Variants in INSR observed in about 807,000 individuals in gnomAD.
The protein encoded by INSR is insulin receptor.
Under a neutral mutation model 142.6 loss-of-function variants are expected in INSR, and 67 were observed. The observed-to-expected ratio is 0.47, with a 90% CI of 0.39 to 0.58. The LOEUF (loss-of-function observed/expected upper bound fraction) is 0.58, where lower values mean the gene tolerates loss of function less well. Among genes scored for constraint, INSR ranks in the 20% least tolerant of loss-of-function variants. The pLI is 0.00. For synonymous variants in INSR, 756 were observed against 743.1 expected (o/e 1.02, Z -0.28); for missense variants, 1,248 against 1,833.2 (o/e 0.68, Z 5.83).
chr19:7,294,111 T>A lies in INSR; in HGVS notation c.-220A>T. 1.1e-5 allele frequency: 3 copies of A among 265,086 alleles called. No individual in the cohort carries two copies. The highest frequency in any genetic ancestry group is 1.9e-5 in the Non-Finnish European group (3 of 157,812). 16.4% of individuals were successfully genotyped at this position (265,086 alleles called of 1,614,324 possible). On this transcript the variant is annotated 5_prime_UTR_variant, in exon 1 of 22. In the 5' UTR this introduces an upstream ATG that the reference lacks. Transcript: ENST00000302850. ...AGCTACAAATACTGAGCGGAGGCCCTTGCGGTGGTGGCCCCGACCCCCCGG... is the reference window on the plus strand; with the variant it reads ...AGCTACAAATACTGAGCGGAGGCCCATGCGGTGGTGGCCCCGACCCCCCGG...
chr19:7,262,866 T>G (rs1001824943), intron 2 of INSR, among the ~76,000 whole-genome samples: 7 of 151,872 alleles, frequency 4.6e-5, no homozygotes, highest in Non-Finnish European at 1.0e-4. Context: ...GTGGAGTGAG[T>G]GTTTCATGGG....
intron 2 of INSR, among the ~76,000 whole-genome samples, chr19:7,202,328 C>A (rs890650359): frequency 4.6e-5 from 7 of 151,966 alleles, no homozygotes; most frequent in African/African-American, 1.5e-4. Flanking sequence ...TTTGTGATTT[C>A]TCTCTATATT....
chr19:7,186,336 C>G (rs1268428622), intron 2 of INSR, among the ~76,000 whole-genome samples: 1 of 152,162 alleles, frequency 6.6e-6, no homozygotes, highest in Admixed American at 6.6e-5. Flanking sequence ...GAAGCTACAT[C>G]CATATATGAA....
rs543428146 is a variant in INSR, at chr19:7,213,728, G to A, written c.653-29091C>T. Among the ~76,000 whole-genome samples the A allele has an allele frequency of 3.3e-5, 5 of 152,328 alleles. No individual in the cohort carries two copies. In the South Asian group the frequency reaches 8.3e-4, roughly 25 times the overall value. On this transcript the variant is annotated intron_variant, in intron 2 of 21. Transcript: ENST00000302850. ...GAACTGGCTGGGCACAGTGGCTCAC[G>A]CCTGTCATCCCAGCCCTTTGGGAGG...
chr19:7,126,365 G>A (rs553724450), intron 16 of INSR, among the ~76,000 whole-genome samples: 113 of 152,356 alleles, frequency 7.4e-4, no homozygotes, highest in Middle Eastern at 3.4e-3. Context: ...GTCCCAGACC[G>A]GCTAGATGAG....
rs560832254 is a variant in INSR at position 7,184,379 on chromosome 19, T to C, written c.911A>G (p.Tyr304Cys). The C allele has an allele frequency of 6.2e-7, 1 of 1,614,082 alleles. No homozygotes were observed. Among genetic ancestry groups the C allele is most frequent in the Admixed American group, 1.7e-5 (1 of 60,002 alleles). Residue 304 changes from tyrosine to cysteine, a missense_variant, in exon 3 of 22, where the codon TAC becomes TGC. By Grantham distance (194) the Tyr-to-Cys change is radical. Around this residue, in one of 3 missense-constraint regions of INSR, gnomAD observed 1,069 missense variants for 1,654.0 expected, o/e 0.65. Transcript: ENST00000302850. Reference sequence around the variant, plus strand: ...GATGCACTTGTTGTTGTGAATGACGTACTGGTGGCAGCCCTGCCTCCGCGA... The same window carrying C: ...GATGCACTTGTTGTTGTGAATGACGCACTGGTGGCAGCCCTGCCTCCGCGA... ...KNSRRQGCHQ[Y>C]VIHNNKCIPE...
chr19:7,153,488 CCACA>C (rs1035164473), intron 9 of INSR, among the ~76,000 whole-genome samples: 8 of 100,418 alleles, frequency 8.0e-5, no homozygotes, highest in Admixed American at 5.8e-4. Flanking sequence ...CACACACGCA[CCACA>C]CACACACACA....
chr19:7,250,478 AGAAAGAGAAGGAAGGAAG>A (rs1976689237), intron 2 of INSR, among the ~76,000 whole-genome samples: 1 of 130,328 alleles, frequency 7.7e-6, no homozygotes. Context: ...AAGAAAGAAA[AGAAAGAGAAGGAAGGAAG>A]GAAAGAGAGA....
At chr19:7,206,794 T>A (rs981621067) in intron 2 of INSR, among the ~76,000 whole-genome samples, 3 of 152,014 alleles carry the variant, frequency 2.0e-5, no homozygotes, top group South Asian at 4.1e-4. Context: ...AAAAGAGTCA[T>A]CAAGGAATAA....
chr19:7,213,519 C>T (rs1975344153), intron 2 of INSR, among the ~76,000 whole-genome samples: 1 of 152,164 alleles, frequency 6.6e-6, no homozygotes, highest in Non-Finnish European at 1.5e-5. Flanking sequence ...CAAACAGCAT[C>T]TCAGAGGGAT....
At chr19:7,281,802 G>T (rs565588056) in intron 1 of INSR, among the ~76,000 whole-genome samples, 3 of 152,292 alleles carry the variant, frequency 2.0e-5, no homozygotes, top group East Asian at 1.9e-4. Context: ...TTTTTAGACA[G>T]TACCTATGGT....
rs1041809996 is a variant in INSR, at chr19:7,132,244, C to T, written c.2756G>A (p.Gly919Glu). ...RGCRLRGLSP[G>E]NYSVRIRATS... The stretch of plus-strand genomic sequence containing the variant: ...GGCCCGGATTCGCACGCTGTAGTTC[C>T]CCGGTGACAGCCCACGCAGCCTGCA... The change falls in exon 14 of 22, where the codon GGG becomes GAG. Residue 919 changes from glycine (G) to glutamate (E), a missense_variant. By Grantham distance (98) the Gly-to-Glu change is moderately conservative (BLOSUM62 -2). Around this residue, in one of 3 missense-constraint regions of INSR, gnomAD observed 1,069 missense variants for 1,654.0 expected, o/e 0.65. Transcript: ENST00000302850. 2 of 1,614,102 alleles carry T rather than the reference C, an allele frequency of 1.2e-6. No homozygotes were observed. Among genetic ancestry groups the T allele is most frequent in the African/African-American group, 2.7e-5 (2 of 74,938 alleles).
chr19:7,227,249 C>T (rs1975815739), intron 2 of INSR, among the ~76,000 whole-genome samples: 1 of 151,634 alleles, frequency 6.6e-6, no homozygotes, highest in Admixed American at 6.6e-5. Flanking sequence ...CAAATACCAG[C>T]TGAATAATCA....
At chr19:7,176,399 G>C (rs1043585665) in intron 3 of INSR, among the ~76,000 whole-genome samples, 1 of 152,164 alleles carries the variant, frequency 6.6e-6, no homozygotes. Flanking sequence ...CCAGGAGTTC[G>C]AGACCAGCCT....
At chr19:7,226,426 A>C (rs1182190789) in intron 2 of INSR, among the ~76,000 whole-genome samples, 4 of 147,084 alleles carry the variant, frequency 2.7e-5, no homozygotes, top group Non-Finnish European at 4.5e-5. Context: ...AAAAAAAAAA[A>C]AAAAAAACAA....
chr19:7,146,646 T>C lies in INSR; in HGVS notation c.2268-3556A>G, dbSNP rs149488056. Among the ~76,000 whole-genome samples the C allele has an allele frequency of 1.0e-3, 157 of 152,310 alleles. 1 individual carries two copies. The highest frequency in any genetic ancestry group is 3.6e-3 in the African/African-American group (148 of 41,568). On this transcript the variant is annotated intron_variant, in intron 11 of 21. Coordinates refer to ENST00000302850, the MANE Select transcript of INSR (RefSeq NM_000208.4). ...AAAATAGTTTTTCTATTATAGGAAA[T>C]AGTTGCTCTCTCACAATTTGAAAGA...
intron 11 of INSR, among the ~76,000 whole-genome samples, chr19:7,143,458 T>G (rs548628924): frequency 2.2e-4 from 34 of 152,118 alleles, no homozygotes; most frequent in African/African-American, 8.0e-4. Context: ...CACGTAAGAG[T>G]CTAGCTTTTC....
intron 11 of INSR, among the ~76,000 whole-genome samples, chr19:7,149,908 GGAAA>G (rs72179382): frequency 0.77 from 112,376 of 145,298 alleles, 44,868 homozygotes; most frequent in Non-Finnish European, 0.88. Flanking sequence ...AAAGAAAGAA[GGAAA>G]GAAAGAAAGA....
chr19:7,170,350 A>G (rs569930951), intron 6 of INSR, among the ~76,000 whole-genome samples, 187 bp downstream of exon 6: 72 of 151,984 alleles, frequency 4.7e-4, no homozygotes, highest in Non-Finnish European at 3.4e-4. Flanking sequence ...TTGATTCTAC[A>G]TGATGGTGAG....
Sources: gnomAD v4.1 joint callset for allele counts (sites outside exome capture counted in the v4.1 genomes callset) on GRCh38, gnomAD v4.1.1 for gene constraint, gnomAD v4.1.1 regional missense constraint, MANE v1.5 for transcripts, NCBI Gene and HGNC (gene_info 2026-07-23, HGNC 2026-07-21) for gene names.